The following AGBL1 variants were observed in gnomAD, a reference collection of about 807,000 sequenced individuals.
AGBL1 encodes the protein AGBL carboxypeptidase 1, also known as cytosolic carboxypeptidase 4.
A neutral mutation model predicts 118.9 loss-of-function variants in AGBL1; 130 were observed. The observed-to-expected ratio is 1.09, with a 90% CI of 0.95 to 1.26. The LOEUF is 1.26. Ranked by LOEUF, AGBL1 falls within the 50% of genes most tolerant of loss-of-function variation. AGBL1 has a pLI of 0.00. For missense variants in AGBL1, 1,584 were observed against 1,298.1 expected, an observed-to-expected ratio of 1.22 and a Z score of -3.38; for synonymous variants, 555 against 478.9, an observed-to-expected ratio of 1.16 and a Z score of -2.08.
intron 18 of AGBL1, among the ~76,000 whole-genome samples, chr15:86,466,593 A>G (rs2082411014): frequency 6.6e-6 from 1 of 152,158 alleles, no homozygotes. Flanking sequence ...TGGAATTTTC[A>G]GCCTTTTTGT....
At chr15:86,810,875 C>G (rs2078779529) in intron 22 of AGBL1, among the ~76,000 whole-genome samples, 1 of 152,138 alleles carries the variant, frequency 6.6e-6, no homozygotes. Flanking sequence ...CAGGCCACAC[C>G]TCAAGCAGCT....
At chr15:86,726,807 G>C (rs1001277596) in intron 22 of AGBL1, among the ~76,000 whole-genome samples, 1 of 151,966 alleles carries the variant, frequency 6.6e-6, no homozygotes, top group African/African-American at 2.4e-5. Context: ...CTCCTGCCTC[G>C]GCCTCCCAAA....
At chr15:86,257,181 A>T (rs2142014778) in intron 8 of AGBL1, among the ~76,000 whole-genome samples, 163 bp downstream of exon 8, 1 of 152,372 alleles carries the variant, frequency 6.6e-6, no homozygotes, top group South Asian at 2.1e-4. Context: ...TGATTTTCAT[A>T]AACAGGGTGA....
chr15:86,391,640 G>GTTTTTTTTTTTTTTTTTTTTTT (rs751427467), intron 17 of AGBL1, among the ~76,000 whole-genome samples: 2 of 73,782 alleles, frequency 2.7e-5, no homozygotes, highest in Non-Finnish European at 4.7e-5. Flanking sequence ...GTTGTTGTTG[G>GTTTTTTTTTTTTTTTTTTTTTT]TTTTTTTTTT....
At chr15:86,263,846 G>A (rs4887218) in intron 10 of AGBL1, among the ~76,000 whole-genome samples, 98,931 of 152,034 alleles carry the variant, frequency 0.65, 34,101 homozygotes, top group African/African-American at 0.87. Context: ...ATTCTATTTG[G>A]CTTCAGAAAG....
chr15:86,513,244 T>C (rs1301791329), intron 18 of AGBL1, among the ~76,000 whole-genome samples: 1 of 151,998 alleles, frequency 6.6e-6, no homozygotes, highest in Non-Finnish European at 1.5e-5. Context: ...TTCCTCAGGT[T>C]TTTTTTCTGT....
rs902047141 is a variant in AGBL1 at position 86,914,700 on chromosome 15, G to C, written c.*7406G>C. The stretch of plus-strand genomic sequence containing the variant: ...AAGAATTTAAGGGCTAGCCTAAGAT[G>C]ATACAGGTAGTAAGTAGCAGATCAC... On this transcript the variant is annotated 3_prime_UTR_variant, in exon 23 of 23. Transcript: ENST00000614907. 3.7e-4 allele frequency: 56 copies of C among 152,160 alleles called. No individual in the cohort carries two copies. The highest frequency in any genetic ancestry group is 1.3e-3 in the African/African-American group (54 of 41,422). The allele number at this position is 152,160 out of a possible 1,614,324, so 9.4% of individuals were successfully genotyped here.
Position 86,320,526 on chromosome 15 carries a change from G to A in AGBL1, c.2374+25118G>A, listed in dbSNP as rs1164225819. On this transcript the variant is annotated intron_variant, in intron 17 of 22. Coordinates refer to ENST00000614907, the MANE Select transcript of AGBL1 (RefSeq NM_001386094.1). ...GCAAAACTTTAGAATTTTTTATGCC[G>A]ATATATCATTTGAAACTGACAAGTT... 6.6e-5 allele frequency among the ~76,000 whole-genome samples: 10 copies of A among 151,792 alleles called. No individual in the cohort carries two copies. The South Asian group carries it at 1.0e-3, about 16-fold the overall frequency.
chr15:86,734,875 G>T (rs980484582), intron 22 of AGBL1, among the ~76,000 whole-genome samples: 5 of 152,078 alleles, frequency 3.3e-5, no homozygotes, highest in African/African-American at 1.2e-4. Context: ...AGCTGATGGG[G>T]AATATGTTGT....
At chr15:86,346,425 C>T (rs2080538692) in intron 17 of AGBL1, among the ~76,000 whole-genome samples, 1 of 151,948 alleles carries the variant, frequency 6.6e-6, no homozygotes, top group Non-Finnish European at 1.5e-5. Context: ...CGGCTCACTG[C>T]AAGCTGTGCC....
chr15:86,101,271 C>G (rs1023514201), intron 1 of AGBL1, among the ~76,000 whole-genome samples: 1 of 151,942 alleles, frequency 6.6e-6, no homozygotes, highest in African/African-American at 2.4e-5. Flanking sequence ...TGTTGTCGTC[C>G]TAACATTTGG....
chr15:86,808,896 T>C (rs1418667871), intron 22 of AGBL1, among the ~76,000 whole-genome samples: 1 of 152,086 alleles, frequency 6.6e-6, no homozygotes, highest in Non-Finnish European at 1.5e-5. Flanking sequence ...TTCTCTTTTT[T>C]TCTGAATAAT....
intron 18 of AGBL1, among the ~76,000 whole-genome samples, chr15:86,467,790 G>C (rs1201022346): frequency 2.0e-5 from 3 of 152,136 alleles, no homozygotes; most frequent in African/African-American, 7.2e-5. Flanking sequence ...TGCTCACCCT[G>C]CTTCTGCTCC....
At chr15:86,919,961 GA>G (rs1174306122), downstream of AGBL1, among the ~76,000 whole-genome samples, 1 of 152,144 alleles carries the variant, frequency 6.6e-6, no homozygotes, top group African/African-American at 2.4e-5. Flanking sequence ...ATGGGGGAGG[GA>G]TATCAGTACC....
At chr15:86,579,061 G>A (rs1261514064) in intron 21 of AGBL1, among the ~76,000 whole-genome samples, 1 of 152,118 alleles carries the variant, frequency 6.6e-6, no homozygotes, top group Non-Finnish European at 1.5e-5. Flanking sequence ...TTTTGTAAAA[G>A]CCTAGATGTG....
At chr15:86,508,773 A>G (rs1461714343) in intron 18 of AGBL1, among the ~76,000 whole-genome samples, 1 of 152,174 alleles carries the variant, frequency 6.6e-6, no homozygotes, top group Non-Finnish European at 1.5e-5. Context: ...ATGCAGTACT[A>G]TCCTCAAATG....
chr15:86,174,475 G>A (rs2077455751), intron 5 of AGBL1, among the ~76,000 whole-genome samples: 1 of 152,056 alleles, frequency 6.6e-6, no homozygotes, highest in Non-Finnish European at 1.5e-5. Context: ...GGCTAGAACT[G>A]TCAGTACTAT....
intron 24 of AGBL1, among the ~76,000 whole-genome samples, chr15:87,024,587 T>G (rs2081706119): frequency 6.6e-6 from 1 of 152,032 alleles, no homozygotes; most frequent in Non-Finnish European, 1.5e-5. Context: ...CCAATCCGAT[T>G]GACACTATTT....
chr15:86,708,825 T>A (rs1289366336), intron 22 of AGBL1, among the ~76,000 whole-genome samples: 1 of 152,130 alleles, frequency 6.6e-6, no homozygotes, highest in Non-Finnish European at 1.5e-5. Context: ...ACTTACTTGG[T>A]TCACAGCATC....
Sources: allele counts gnomAD v4.1 joint callset (sites outside exome capture counted in the v4.1 genomes callset), GRCh38; gene constraint gnomAD v4.1.1; transcripts MANE v1.5; gene names NCBI Gene and HGNC (gene_info 2026-07-23, HGNC 2026-07-21).